Variants in ROBO2 observed in about 807,000 individuals in gnomAD.
ROBO2 encodes the protein roundabout guidance receptor 2, also known as roundabout homolog 2.
In ROBO2, 53 loss-of-function variants were observed where a neutral mutation model predicts 160.8. The observed-to-expected ratio is 0.33, with a 90% CI of 0.26 to 0.41. The LOEUF is 0.41. ROBO2 is among the 10% of genes least tolerant of loss of function. The probability of loss-of-function intolerance (pLI) is 1.00; values close to 1 mark genes in which losing one functional copy is unlikely to be tolerated. For missense variants in ROBO2, 1,577 were observed against 1,722.4 expected (o/e 0.92, Z 1.49); for synonymous variants, 664 against 611.7 (o/e 1.09, Z -1.26).
chr3:76,586,421 T>G (rs1309387154), intron 2 of ROBO2, among the ~76,000 whole-genome samples: 1 of 152,222 alleles, frequency 6.6e-6, no homozygotes, highest in Non-Finnish European at 1.5e-5. Flanking sequence ...TTTTCAGAAA[T>G]TAGTTCTAGT....
At chr3:77,435,447 T>A (rs2079182021) in intron 2 of ROBO2, among the ~76,000 whole-genome samples, 1 of 152,144 alleles carries the variant, frequency 6.6e-6, no homozygotes, top group African/African-American at 2.4e-5. Context: ...TTTTAAAAAA[T>A]TTAAATTTCT....
chr3:77,455,150 C>T (rs1275917903), intron 2 of ROBO2, among the ~76,000 whole-genome samples: 5 of 152,074 alleles, frequency 3.3e-5, no homozygotes, highest in African/African-American at 1.2e-4. Context: ...ACTGGCTTTA[C>T]AATAAATAGA....
chr3:77,019,534 G>A (rs1031353209), intron 2 of ROBO2, among the ~76,000 whole-genome samples: 1 of 152,070 alleles, frequency 6.6e-6, no homozygotes, highest in African/African-American at 2.4e-5. Flanking sequence ...GGGGCCAAAT[G>A]ACATAAGAAA....
At chr3:77,332,024 G>C (rs2066020888) in intron 2 of ROBO2, among the ~76,000 whole-genome samples, 1 of 152,050 alleles carries the variant, frequency 6.6e-6, no homozygotes, top group Non-Finnish European at 1.5e-5. Flanking sequence ...CTATTTTTTA[G>C]GTTAGATATG....
intron 2 of ROBO2, among the ~76,000 whole-genome samples, chr3:76,501,739 C>G (rs1394577244): frequency 6.6e-6 from 1 of 152,156 alleles, no homozygotes; most frequent in African/African-American, 2.4e-5. Context: ...AAAGGCTCAA[C>G]TCTATGAATT....
At chr3:76,507,213 A>T (rs1275783131) in intron 2 of ROBO2, among the ~76,000 whole-genome samples, 1 of 152,116 alleles carries the variant, frequency 6.6e-6, no homozygotes, top group Non-Finnish European at 1.5e-5. Flanking sequence ...TATTTAATGG[A>T]AATAGATTCC....
chr3:76,829,919 C>T (rs900271082), intron 2 of ROBO2, among the ~76,000 whole-genome samples: 3 of 152,172 alleles, frequency 2.0e-5, no homozygotes, highest in Non-Finnish European at 4.4e-5. Context: ...CCACTCGCCT[C>T]GGCCTCCCCA....
intron 6 of ROBO2, among the ~76,000 whole-genome samples, chr3:77,536,958 C>T (rs1321154070): frequency 6.6e-6 from 1 of 152,062 alleles, no homozygotes; most frequent in Non-Finnish European, 1.5e-5. Flanking sequence ...TTTTCAGAAG[C>T]ATTCTTTCCA....
chr3:77,588,431 T>A (rs1446860392), intron 16 of ROBO2, among the ~76,000 whole-genome samples: 3 of 152,130 alleles, frequency 2.0e-5, no homozygotes, highest in Non-Finnish European at 4.4e-5. Context: ...AAACACTTGA[T>A]GTAATTCAAG....
intron 2 of ROBO2, among the ~76,000 whole-genome samples, chr3:76,983,689 G>A (rs1245788726): frequency 6.6e-6 from 1 of 152,130 alleles, no homozygotes; most frequent in Non-Finnish European, 1.5e-5. Flanking sequence ...CCTATTATAT[G>A]ATAGACAATA....
At chr3:76,882,417 A>G (rs538146416) in intron 2 of ROBO2, among the ~76,000 whole-genome samples, 2 of 152,084 alleles carry the variant, frequency 1.3e-5, no homozygotes, top group Non-Finnish European at 2.9e-5. Flanking sequence ...AGCACATTTG[A>G]AGGTGTAATG....
At chr3:77,164,556 G>A (rs1276435235) in intron 2 of ROBO2, among the ~76,000 whole-genome samples, 33 of 143,342 alleles carry the variant, frequency 2.3e-4, no homozygotes, top group African/African-American at 5.7e-4. Context: ...ACCCCCGCCC[G>A]GCCAGCCGCC....
At chr3:76,968,617 A>G (rs1559779162) in intron 2 of ROBO2, among the ~76,000 whole-genome samples, 1 of 152,086 alleles carries the variant, frequency 6.6e-6, no homozygotes, top group Non-Finnish European at 1.5e-5. Flanking sequence ...GTGTCCTACA[A>G]TTTTTTATTT....
chr3:76,293,591 A>G (rs1210379374), intron 2 of ROBO2, among the ~76,000 whole-genome samples: 1 of 152,188 alleles, frequency 6.6e-6, no homozygotes, highest in African/African-American at 2.4e-5. Flanking sequence ...GTAGAAGGGT[A>G]AGACTGATTG....
chr3:76,265,956 T>A (rs973293891), intron 2 of ROBO2, among the ~76,000 whole-genome samples: 1 of 152,146 alleles, frequency 6.6e-6, no homozygotes, highest in African/African-American at 2.4e-5. Flanking sequence ...AGCTCTTCAA[T>A]AGGAAACTCT....
intron 2 of ROBO2, among the ~76,000 whole-genome samples, chr3:76,097,289 C>T (rs546273593): frequency 1.3e-5 from 2 of 152,244 alleles, no homozygotes; most frequent in South Asian, 2.1e-4. Context: ...GGCCCCAACC[C>T]GTTCCCAGTG....
intron 2 of ROBO2, among the ~76,000 whole-genome samples, chr3:76,640,710 T>G (rs2090630085): frequency 6.6e-6 from 1 of 151,916 alleles, no homozygotes; most frequent in South Asian, 2.1e-4. Context: ...CAGATCTTGG[T>G]GTCTACACAT....
intron 2 of ROBO2, among the ~76,000 whole-genome samples, chr3:76,425,161 C>T (rs191773442): frequency 1.8e-4 from 28 of 152,140 alleles, no homozygotes; most frequent in African/African-American, 6.7e-4. Flanking sequence ...GCCTTTCCAC[C>T]TGCCATTCAA....
chr3:76,396,035 A>G (rs954298097), intron 2 of ROBO2, among the ~76,000 whole-genome samples: 2 of 152,134 alleles, frequency 1.3e-5, no homozygotes, highest in African/African-American at 2.4e-5. Context: ...AGAATTTTAG[A>G]CCAATAACCT....
Sources: gnomAD v4.1 joint callset for allele counts (sites outside exome capture counted in the v4.1 genomes callset) on GRCh38, gnomAD v4.1.1 for gene constraint, MANE v1.5 for transcripts, NCBI Gene and HGNC (gene_info 2026-07-23, HGNC 2026-07-21) for gene names.